Variants in MCF2L2 observed in about 807,000 individuals in gnomAD.
MCF2L2 encodes the protein probable guanine nucleotide exchange factor MCF2L2.
A neutral mutation model predicts 150.2 loss-of-function variants in MCF2L2; 102 were observed. The ratio of observed to expected loss-of-function variants is 0.68; its 90% CI spans 0.58 to 0.80. MCF2L2 has a LOEUF of 0.80. Ranked by LOEUF, MCF2L2 falls within the 30% of genes least tolerant of loss-of-function variation. The probability of loss-of-function intolerance (pLI) is 0.00; values close to 1 mark genes in which losing one functional copy is unlikely to be tolerated. For synonymous variants in MCF2L2, 465 were observed against 491.3 expected (o/e 0.95, Z 0.71); for missense variants, 1,256 against 1,372.8 (o/e 0.91, Z 1.34).
chr3:183,199,749 TC>T (rs1305347820), intron 25 of MCF2L2, among the ~76,000 whole-genome samples: 1 of 151,592 alleles, frequency 6.6e-6, no homozygotes, highest in East Asian at 1.9e-4. Context: ...ATTATGTATA[TC>T]CCCTAATGCT....
At chr3:183,194,738 C>G (rs571761) in intron 26 of MCF2L2, among the ~76,000 whole-genome samples, 85,206 of 151,870 alleles carry the variant, frequency 0.56, 24,757 homozygotes, top group African/African-American at 0.71. Context: ...AGTGGGGTTG[C>G]GAACTGATTT....
At chr3:183,216,132 T>A (rs368205802) in intron 21 of MCF2L2, 38 bp from the exon 22 acceptor site, 7 of 1,606,662 alleles carry the variant, frequency 4.4e-6, no homozygotes, top group Non-Finnish European at 6.0e-6. Context: ...ATCAAAAGTA[T>A]ACCATCTGCA....
intron 7 of MCF2L2, among the ~76,000 whole-genome samples, chr3:183,315,672 T>C (rs1729575161): frequency 6.6e-6 from 1 of 152,170 alleles, no homozygotes; most frequent in African/African-American, 2.4e-5. Context: ...AAGGAAATCC[T>C]CTTACTCCAT....
At chr3:183,300,403 A>G (rs1301888018) in intron 10 of MCF2L2, among the ~76,000 whole-genome samples, 1 of 152,246 alleles carries the variant, frequency 6.6e-6, no homozygotes, top group African/African-American at 2.4e-5. Context: ...GAACAACAGC[A>G]GTCATTCATT....
At chr3:183,183,337 A>G (rs1170912019) in intron 27 of MCF2L2, among the ~76,000 whole-genome samples, 1 of 152,144 alleles carries the variant, frequency 6.6e-6, no homozygotes, top group Non-Finnish European at 1.5e-5. Flanking sequence ...CTGCATATTT[A>G]ATCCCCTGCT....
intron 14 of MCF2L2, among the ~76,000 whole-genome samples, chr3:183,284,800 C>T (rs1183385185): frequency 1.3e-5 from 2 of 152,068 alleles, no homozygotes; most frequent in African/African-American, 4.8e-5. Flanking sequence ...AATTCATAAC[C>T]TTCTCAGAGC....
intron 3 of MCF2L2, among the ~76,000 whole-genome samples, chr3:183,348,766 G>A (rs1390965018): frequency 2.0e-5 from 3 of 151,802 alleles, no homozygotes; most frequent in African/African-American, 4.8e-5. Context: ...AAGGAGTATC[G>A]GCAGAGATAA....
At chr3:183,247,981 T>C (rs1480282582) in intron 15 of MCF2L2, among the ~76,000 whole-genome samples, 7 of 152,196 alleles carry the variant, frequency 4.6e-5, no homozygotes, top group African/African-American at 1.4e-4. Flanking sequence ...ATAAAAAGCA[T>C]GTCTATGAAA....
In MCF2L2 at chr3:183,276,855, C is replaced by G. The variant is rs202190550; in HGVS notation, c.1862+17G>C. ...CGCACCCCCTCGCCCCCTGCACCCA[C>G]GGATGTGCAGTCTTACCTGCGGGGG... is the stretch of plus-strand genomic sequence containing the variant. On this transcript the variant is annotated intron_variant, in intron 15 of 29. Transcript: ENST00000328913. 1 of 1,593,606 alleles carries G rather than the reference C, an allele frequency of 6.3e-7. No individual in the cohort carries two copies. Among genetic ancestry groups the G allele is most frequent in the African/African-American group, 1.3e-5 (1 of 74,526 alleles).
At position 183,318,075 on chromosome 3, in the gene MCF2L2, TTGTCCCGCTGCCTTGTG is replaced by T. The variant is rs767816139; in HGVS notation, c.729_745del (p.His243GlnfsTer5). On this transcript the variant is annotated frameshift_variant, in exon 7 of 30. Coordinates refer to ENST00000328913, the MANE Select transcript of MCF2L2 (RefSeq NM_015078.4). LOFTEE classifies it high-confidence loss of function. ...AGGTCACTGACCGCTCACCTGCAGC[TTGTCCCGCTGCCTTGTG>T]TGGGACATGAGAAGGTCTTCCGTGG... is the stretch of plus-strand genomic sequence containing the variant. 1.2e-6 allele frequency: 2 copies of T among 1,613,676 alleles called. No individual in the cohort carries two copies. Among genetic ancestry groups the T allele is most frequent in the African/African-American group, 2.7e-5 (2 of 74,934 alleles).
chr3:183,361,015 A>T, intron 3 of MCF2L2, among the ~76,000 whole-genome samples: 2 of 134,598 alleles, frequency 1.5e-5, no homozygotes, highest in African/African-American at 6.1e-5. Context: ...AAAGAAAAGA[A>T]AAGAAAAGAG....
intron 10 of MCF2L2, among the ~76,000 whole-genome samples, chr3:183,304,529 G>C (rs1047776286): frequency 8.0e-5 from 11 of 138,256 alleles, no homozygotes; most frequent in African/African-American, 3.0e-4. Context: ...GCAGTGGCTT[G>C]ATCTAGGCTC....
chr3:183,366,008 TAGAAAC>T (rs150899787), intron 3 of MCF2L2, among the ~76,000 whole-genome samples: 3,097 of 145,826 alleles, frequency 0.021, 92 homozygotes, highest in African/African-American at 0.066. Context: ...AGATGAAAAA[TAGAAAC>T]AGAAACAGAA....
chr3:183,399,303 A>G (rs954118620), intron 1 of MCF2L2, among the ~76,000 whole-genome samples: 1 of 152,224 alleles, frequency 6.6e-6, no homozygotes, highest in Admixed American at 6.5e-5. Context: ...TCATTTAATA[A>G]CTTCCCACTG....
At chr3:183,180,231 T>A in intron 27 of MCF2L2, 72 bp from the exon 28 acceptor site, 1 of 951,690 alleles carries the variant, frequency 1.1e-6, no homozygotes, top group Non-Finnish European at 1.7e-6. Flanking sequence ...TGGCAGGGTG[T>A]AGCAGGCAGT....
intron 1 of MCF2L2, among the ~76,000 whole-genome samples, chr3:183,397,904 T>C (rs570095310): frequency 2.6e-5 from 4 of 152,288 alleles, no homozygotes; most frequent in Admixed American, 6.5e-5. Context: ...GATAAAGCCA[T>C]AGAATACTAC....
chr3:183,351,228 A>ATT (rs1560035022), intron 3 of MCF2L2, among the ~76,000 whole-genome samples: 37 of 87,786 alleles, frequency 4.2e-4, no homozygotes, highest in Admixed American at 1.5e-3. Context: ...ATATATATAT[A>ATT]TATATATATT....
intron 15 of MCF2L2, among the ~76,000 whole-genome samples, chr3:183,244,742 GT>G (rs1482612079): frequency 6.6e-6 from 1 of 151,580 alleles, no homozygotes; most frequent in Non-Finnish European, 1.5e-5. Flanking sequence ...TCTAATTTGT[GT>G]TTTATTTAAT....
chr3:183,313,580 G>A (rs959986283), intron 7 of MCF2L2, among the ~76,000 whole-genome samples: 2 of 152,220 alleles, frequency 1.3e-5, no homozygotes, highest in African/African-American at 4.8e-5. Context: ...GAAAGATGGA[G>A]CAACTACGGT....
Sources: allele counts gnomAD v4.1 joint callset (sites outside exome capture counted in the v4.1 genomes callset), GRCh38; gene constraint gnomAD v4.1.1; transcripts MANE v1.5; gene names NCBI Gene and HGNC (gene_info 2026-07-23, HGNC 2026-07-21).